Variants in SIL1 observed in about 807,000 individuals in gnomAD.
The protein encoded by SIL1 is nucleotide exchange factor SIL1.
A neutral mutation model predicts 49.1 loss-of-function variants in SIL1; 40 were observed. The ratio of observed to expected loss-of-function variants is 0.81; its 90% CI spans 0.63 to 1.06. SIL1 has a LOEUF of 1.06. Ranked by LOEUF, SIL1 falls within the 50% of genes least tolerant of loss-of-function variation. SIL1 has a pLI of 0.00. For missense variants in SIL1, 500 were observed against 572.6 expected, an observed-to-expected ratio of 0.87 and a Z score of 1.29; for synonymous variants, 253 against 250.8, an observed-to-expected ratio of 1.01 and a Z score of -0.08.
intron 7 of SIL1, among the ~76,000 whole-genome samples, chr5:138,986,752 T>C (rs1378972039): frequency 6.6e-6 from 1 of 152,262 alleles, no homozygotes; most frequent in Non-Finnish European, 1.5e-5. Context: ...AAATTAAGAC[T>C]GATTTCATCA....
intron 5 of SIL1, among the ~76,000 whole-genome samples, chr5:139,037,275 C>A (rs1192470816): frequency 2.0e-5 from 3 of 152,066 alleles, no homozygotes; most frequent in African/African-American, 7.2e-5. Flanking sequence ...CTTTAGTTTT[C>A]AGAAGTTTAA....
intron 5 of SIL1, among the ~76,000 whole-genome samples, chr5:139,028,353 C>T (rs1768708642): frequency 6.6e-6 from 1 of 151,992 alleles, no homozygotes; most frequent in African/African-American, 2.4e-5. Flanking sequence ...CAAAAATTAG[C>T]CGGGCATGGT....
rs1482144952 is a variant in SIL1 at position 138,948,281 on chromosome 5, CT to C, written c.1030-809del. Among the ~76,000 whole-genome samples, 1 of 152,138 alleles carries C rather than the reference CT, an allele frequency of 6.6e-6. No individual in the cohort carries two copies. Among genetic ancestry groups the C allele is most frequent in the Non-Finnish European group, 1.5e-5 (1 of 68,002 alleles). On this transcript the variant is annotated intron_variant, in intron 9 of 9. Transcript: ENST00000394817. The surrounding 1 kb of genome is among the most constrained non-coding windows in gnomAD (Gnocchi z 4.8). ...GAGGAAACTGAGGAGGGGTGCAATCCTGCATCCTGGGACAGGAGAGGCTGAG... is the reference window on the plus strand; with the variant it reads ...GAGGAAACTGAGGAGGGGTGCAATCCGCATCCTGGGACAGGAGAGGCTGAG...
At chr5:139,038,365 C>CA (rs1768964041) in intron 5 of SIL1, among the ~76,000 whole-genome samples, 1 of 152,122 alleles carries the variant, frequency 6.6e-6, no homozygotes, top group Non-Finnish European at 1.5e-5. Flanking sequence ...GCTTAGTATA[C>CA]TGGTTCTGGC....
At chr5:139,018,065 T>C (rs182079565) in intron 7 of SIL1, among the ~76,000 whole-genome samples, 3 of 152,294 alleles carry the variant, frequency 2.0e-5, no homozygotes, top group Admixed American at 2.0e-4. Context: ...AAAATGAACG[T>C]GTGTGACCCA....
At chr5:139,128,707 G>A (rs1174215901) in intron 1 of SIL1, among the ~76,000 whole-genome samples, 2 of 151,884 alleles carry the variant, frequency 1.3e-5, no homozygotes, top group Non-Finnish European at 2.9e-5. Flanking sequence ...CCATGTTCAT[G>A]AATTAGAGAC....
intron 7 of SIL1, chr5:139,017,057 G>T (rs1196205116): frequency 6.6e-6 from 1 of 152,304 alleles, no homozygotes; most frequent in African/African-American, 2.4e-5. Flanking sequence ...TCACCATGTT[G>T]CCCAGGTTGG....
chr5:139,054,811 C>T (rs1377523929), intron 3 of SIL1, among the ~76,000 whole-genome samples: 1 of 152,132 alleles, frequency 6.6e-6, no homozygotes, highest in African/African-American at 2.4e-5. Flanking sequence ...GCAACCACAA[C>T]AGCATTAACT....
intron 1 of SIL1, among the ~76,000 whole-genome samples, chr5:139,134,346 G>A (rs978148772): frequency 6.6e-6 from 1 of 152,104 alleles, no homozygotes; most frequent in Non-Finnish European, 1.5e-5. Flanking sequence ...ATGTTGCCCA[G>A]GCTGGTCTCG....
intron 7 of SIL1, 72 bp from the exon 8 acceptor site, chr5:138,951,956 CA>C: frequency 1.5e-6 from 2 of 1,293,098 alleles, no homozygotes; most frequent in Non-Finnish European, 2.2e-6. Flanking sequence ...GAACTGAGCC[CA>C]TGTCAGCCAT....
At chr5:139,147,247 T>G (rs1201779982) in intron 1 of SIL1, among the ~76,000 whole-genome samples, 1 of 152,146 alleles carries the variant, frequency 6.6e-6, no homozygotes, top group Non-Finnish European at 1.5e-5. Context: ...CAAAGAGGTA[T>G]CTAATCTGTC....
At chr5:139,029,377 T>C (rs1290624252) in intron 5 of SIL1, among the ~76,000 whole-genome samples, 1 of 152,116 alleles carries the variant, frequency 6.6e-6, no homozygotes, top group Non-Finnish European at 1.5e-5. Flanking sequence ...GGCAAAAAAC[T>C]TCACATTACA....
chr5:138,959,878 G>A (rs1440062076), intron 7 of SIL1, among the ~76,000 whole-genome samples: 2 of 152,212 alleles, frequency 1.3e-5, no homozygotes, highest in South Asian at 4.1e-4. Flanking sequence ...GCTTACAGTG[G>A]CCTGCCTAGG....
At chr5:139,183,691 C>T (rs1204734566) in intron 1 of SIL1, among the ~76,000 whole-genome samples, 3 of 152,230 alleles carry the variant, frequency 2.0e-5, no homozygotes, top group African/African-American at 4.8e-5. Flanking sequence ...AGGTGCACAA[C>T]AGCTGCTGGG....
chr5:138,971,540 T>C (rs1187765016), intron 7 of SIL1, among the ~76,000 whole-genome samples: 1 of 151,882 alleles, frequency 6.6e-6, no homozygotes, highest in Non-Finnish European at 1.5e-5. Context: ...CTAACTTGAA[T>C]CTTCTTCTCA....
intron 3 of SIL1, among the ~76,000 whole-genome samples, chr5:139,072,314 C>T (rs772891795): frequency 2.0e-5 from 3 of 152,266 alleles, no homozygotes; most frequent in Non-Finnish European, 4.4e-5. Context: ...TATTCAAACA[C>T]GTACTAACAC....
chr5:139,066,186 A>C (rs1206037654), intron 3 of SIL1, among the ~76,000 whole-genome samples: 1 of 152,076 alleles, frequency 6.6e-6, no homozygotes, highest in Admixed American at 6.5e-5. Flanking sequence ...CCGAAGTACC[A>C]ATAATACTAT....
intron 8 of SIL1, among the ~76,000 whole-genome samples, chr5:138,951,556 T>C (rs763547887): frequency 6.6e-6 from 1 of 152,128 alleles, no homozygotes; most frequent in African/African-American, 2.4e-5. Context: ...AGGCCAAGGG[T>C]GGGAGGCCAG....
intron 7 of SIL1, among the ~76,000 whole-genome samples, chr5:139,002,871 C>T (rs963414309): frequency 3.9e-5 from 6 of 152,190 alleles, no homozygotes; most frequent in Non-Finnish European, 8.8e-5. Context: ...TTTCATTTCA[C>T]CACAACCTCC....
Sources: allele counts gnomAD v4.1 joint callset (sites outside exome capture counted in the v4.1 genomes callset), GRCh38; gene constraint gnomAD v4.1.1; non-coding constraint Gnocchi (gnomAD v3.1); transcripts MANE v1.5; gene names NCBI Gene and HGNC (gene_info 2026-07-23, HGNC 2026-07-21).